ZPBP: variants seen among roughly 807,000 people sequenced by gnomAD.
ZPBP encodes zona pellucida binding protein.
A neutral mutation model predicts 44.8 loss-of-function variants in ZPBP; 26 were observed. That is an observed-to-expected ratio of 0.58 (90% CI 0.43 to 0.81). The LOEUF (loss-of-function observed/expected upper bound fraction) is 0.81, where lower values mean the gene tolerates loss of function less well. Among genes scored for constraint, ZPBP ranks in the 30% least tolerant of loss-of-function variants. ZPBP has a pLI of 0.00. For synonymous variants in ZPBP, 174 were observed against 153.2 expected (o/e 1.14, Z -1.00); for missense variants, 409 against 434.0 (o/e 0.94, Z 0.51).
At chr7:50,002,919 G>T (rs565489668) in intron 6 of ZPBP, among the ~76,000 whole-genome samples, 1 of 152,144 alleles carries the variant, frequency 6.6e-6, no homozygotes. Context: ...TTGATAAAAT[G>T]ATTGTTATGT....
intron 6 of ZPBP, among the ~76,000 whole-genome samples, chr7:50,010,481 G>A (rs1905272): frequency 0.79 from 120,621 of 152,006 alleles, 47,972 homozygotes; most frequent in East Asian, 0.87. Context: ...TTACTAAAAC[G>A]TTATCACATC....
intron 3 of ZPBP, among the ~76,000 whole-genome samples, chr7:50,064,696 T>C (rs1439945974): frequency 6.6e-6 from 1 of 152,196 alleles, no homozygotes. Flanking sequence ...CGGTCAGAGT[T>C]TAAGGTTATC....
Position 50,058,046 on chromosome 7 carries a change from A to G in ZPBP, c.430T>C (p.Tyr144His), listed in dbSNP as rs775564951. 18 of 1,613,526 alleles carry G rather than the reference A, an allele frequency of 1.1e-5. No individual in the cohort carries two copies. In the East Asian group the frequency reaches 4.0e-4, roughly 36 times the overall value. ...MSGIYTCFLEYKPTVEEIVKR... is the reference protein window; with the variant it reads ...MSGIYTCFLEHKPTVEEIVKR... ...ACAATTTCTTCCACAGTAGGTTTAT[A>G]TTCGAGGAAACATGTATAAATTCCA... Residue 144 changes from tyrosine to histidine, a missense_variant, in exon 4 of 8, where the codon TAT (tyrosine) becomes CAT (histidine). Around this residue, in one of 2 missense-constraint regions of ZPBP, gnomAD observed 367 missense variants for 363.1 expected, o/e 1.01. Transcript: ENST00000046087.
intron 6 of ZPBP, among the ~76,000 whole-genome samples, chr7:49,986,011 C>T (rs1240975255): frequency 1.3e-5 from 2 of 152,102 alleles, no homozygotes; most frequent in African/African-American, 2.4e-5. Context: ...AAATTCTGCT[C>T]TCCTCAAACT....
chr7:49,934,775 G>C (rs1238312774), downstream of ZPBP, among the ~76,000 whole-genome samples: 1 of 151,708 alleles, frequency 6.6e-6, no homozygotes, highest in Non-Finnish European at 1.5e-5. Context: ...GAGATTACTG[G>C]ACCAAACATG....
intron 7 of ZPBP, among the ~76,000 whole-genome samples, chr7:49,974,465 T>C (rs1482784733): frequency 6.6e-6 from 1 of 152,138 alleles, no homozygotes; most frequent in Non-Finnish European, 1.5e-5. Flanking sequence ...AATTTTACTT[T>C]ACAGAAACTA....
At chr7:49,928,728 C>T (rs879344059) in intron 1 of ZPBP, among the ~76,000 whole-genome samples, 1 of 152,156 alleles carries the variant, frequency 6.6e-6, no homozygotes, top group Non-Finnish European at 1.5e-5. Flanking sequence ...CACCAGTACA[C>T]CATTCCCAGT....
chr7:49,920,104 G>A (rs1793953427), intron 1 of ZPBP: 1 of 151,634 alleles, frequency 6.6e-6, no homozygotes, highest in South Asian at 2.1e-4. Flanking sequence ...ATAATAACCA[G>A]GAGAGAAAAT....
intron 6 of ZPBP, among the ~76,000 whole-genome samples, chr7:50,000,683 G>C (rs1798053789): frequency 6.6e-6 from 1 of 152,112 alleles, no homozygotes; most frequent in Admixed American, 6.6e-5. Flanking sequence ...AAGCAGTACA[G>C]GTAGTATTTG....
intron 7 of ZPBP, among the ~76,000 whole-genome samples, chr7:49,973,562 C>A (rs1273826060): frequency 6.6e-6 from 1 of 151,932 alleles, no homozygotes; most frequent in African/African-American, 2.4e-5. Context: ...AGAAGATATA[C>A]AAATGGCCAA....
At chr7:49,988,679 G>A (rs1305246460) in intron 6 of ZPBP, among the ~76,000 whole-genome samples, 1 of 152,134 alleles carries the variant, frequency 6.6e-6, no homozygotes. Context: ...TCAAAGGATG[G>A]TCTATAATCA....
chr7:49,952,517 T>G (rs1205097427), intron 7 of ZPBP, among the ~76,000 whole-genome samples: 1 of 151,934 alleles, frequency 6.6e-6, no homozygotes, highest in Non-Finnish European at 1.5e-5. Context: ...AAAATAAAGG[T>G]AAATGAGTTT....
chr7:50,079,036 A>T (rs942638524), intron 3 of ZPBP, among the ~76,000 whole-genome samples: 4 of 151,660 alleles, frequency 2.6e-5, no homozygotes, highest in African/African-American at 9.7e-5. Context: ...ATGAGGACAC[A>T]TCCCTATAGA....
At chr7:49,960,807 T>A (rs1452518671) in intron 7 of ZPBP, among the ~76,000 whole-genome samples, 1 of 152,112 alleles carries the variant, frequency 6.6e-6, no homozygotes, top group African/African-American at 2.4e-5. Context: ...AATACACACA[T>A]ACTGGAATGG....
chr7:50,037,773 C>T (rs1362958108), intron 4 of ZPBP, among the ~76,000 whole-genome samples: 1 of 152,174 alleles, frequency 6.6e-6, no homozygotes, highest in Non-Finnish European at 1.5e-5. Context: ...TGCTCCCTTC[C>T]TCCCTCCCCT....
chr7:50,032,979 T>A (rs1416637847), intron 4 of ZPBP, among the ~76,000 whole-genome samples: 2 of 152,188 alleles, frequency 1.3e-5, no homozygotes, highest in Non-Finnish European at 2.9e-5. Context: ...ATAAAATTGC[T>A]AATCTAACAT....
At chr7:50,053,478 G>C (rs1800786035) in intron 4 of ZPBP, among the ~76,000 whole-genome samples, 1 of 152,166 alleles carries the variant, frequency 6.6e-6, no homozygotes, top group Admixed American at 6.5e-5. Flanking sequence ...CTGTTCTTGT[G>C]TATCACTTAC....
At chr7:50,035,606 A>G (rs1312426571) in intron 4 of ZPBP, among the ~76,000 whole-genome samples, 1 of 152,224 alleles carries the variant, frequency 6.6e-6, no homozygotes, top group East Asian at 1.9e-4. Context: ...AAACAGGCAA[A>G]ATATATAAAC....
intron 2 of ZPBP, among the ~76,000 whole-genome samples, chr7:49,880,400 G>A (rs887440536): frequency 6.6e-6 from 1 of 151,770 alleles, no homozygotes; most frequent in East Asian, 1.9e-4. Context: ...TACCATGTTT[G>A]TTAGGCATTT....
Sources: gnomAD v4.1 joint callset for allele counts (sites outside exome capture counted in the v4.1 genomes callset) on GRCh38, gnomAD v4.1.1 for gene constraint, gnomAD v4.1.1 regional missense constraint, MANE v1.5 for transcripts, NCBI Gene and HGNC (gene_info 2026-07-23, HGNC 2026-07-21) for gene names.